SGMS1: variants seen among roughly 807,000 people sequenced by gnomAD.
SGMS1 encodes sphingomyelin synthase 1.
In SGMS1, 13 loss-of-function variants were observed where a neutral mutation model predicts 46.2. The ratio of observed to expected loss-of-function variants is 0.28; its 90% CI spans 0.18 to 0.45. The LOEUF (loss-of-function observed/expected upper bound fraction) is 0.45, where lower values mean the gene tolerates loss of function less well. Among genes scored for constraint, SGMS1 ranks in the 20% least tolerant of loss-of-function variants. The pLI is 1.00. For synonymous variants in SGMS1, 203 were observed against 187.8 expected (o/e 1.08, Z -0.66); for missense variants, 324 against 519.9 (o/e 0.62, Z 3.66).
intron 6 of SGMS1, among the ~76,000 whole-genome samples, chr10:50,355,357 C>T (rs564610605): frequency 1.7e-4 from 26 of 152,248 alleles, no homozygotes; most frequent in Non-Finnish European, 3.1e-4. Flanking sequence ...GCCATCTCGG[C>T]TCACTGCAAC....
intron 2 of SGMS1, among the ~76,000 whole-genome samples, chr10:50,547,660 G>A (rs1838112955): frequency 6.6e-6 from 1 of 152,112 alleles, no homozygotes; most frequent in Non-Finnish European, 1.5e-5. Flanking sequence ...TCCAAAAACT[G>A]AAAAGGAGGG....
intron 1 of SGMS1, among the ~76,000 whole-genome samples, chr10:50,614,566 C>T (rs1838779682): frequency 6.6e-6 from 1 of 152,244 alleles, no homozygotes; most frequent in Non-Finnish European, 1.5e-5. Flanking sequence ...CTGCCCACTG[C>T]CACCTGCCCC....
At chr10:50,408,901 A>G (rs1313118643) in intron 6 of SGMS1, among the ~76,000 whole-genome samples, 3 of 152,120 alleles carry the variant, frequency 2.0e-5, no homozygotes, top group Non-Finnish European at 2.9e-5. Context: ...AAAAAAGATT[A>G]TAACAACCCC....
chr10:50,597,286 C>A (rs542754879), intron 1 of SGMS1, among the ~76,000 whole-genome samples: 1 of 152,188 alleles, frequency 6.6e-6, no homozygotes, highest in Non-Finnish European at 1.5e-5. Flanking sequence ...TACCATTACA[C>A]ACCTATTAGA....
chr10:50,412,086 T>C (rs989729342), intron 6 of SGMS1, among the ~76,000 whole-genome samples: 3 of 152,110 alleles, frequency 2.0e-5, no homozygotes, highest in Non-Finnish European at 4.4e-5. Flanking sequence ...TGGCTGTGAA[T>C]TGTCCCAATG....
At chr10:50,623,602 C>A (rs918865392) in intron 1 of SGMS1, 105 bp downstream of exon 1, 10 of 985,322 alleles carry the variant, frequency 1.0e-5, no homozygotes, top group Non-Finnish European at 1.2e-5. Context: ...CGCCCCAGAG[C>A]AGCCCGCCCG....
intron 6 of SGMS1, among the ~76,000 whole-genome samples, chr10:50,433,031 C>T (rs1849424922): frequency 6.6e-6 from 1 of 152,090 alleles, no homozygotes; most frequent in Non-Finnish European, 1.5e-5. Context: ...AAGATGTAGA[C>T]AAAGAACTCA....
intron 6 of SGMS1, among the ~76,000 whole-genome samples, chr10:50,390,525 C>G (rs1848751801): frequency 6.6e-6 from 1 of 152,126 alleles, no homozygotes; most frequent in Non-Finnish European, 1.5e-5. Context: ...GTAGTCCTAG[C>G]TCTGTGGAAG....
chr10:50,338,099 C>G (rs574227164), intron 7 of SGMS1, among the ~76,000 whole-genome samples: 2 of 152,230 alleles, frequency 1.3e-5, no homozygotes, highest in East Asian at 3.9e-4. Flanking sequence ...CATCATTTTT[C>G]TTCTTTACTT....
At position 50,356,419 on chromosome 10, in the gene SGMS1, C is replaced by T. The variant is rs185031537; in HGVS notation, c.-231-12074G>A. Among the ~76,000 whole-genome samples, 477 of 152,234 alleles carry T rather than the reference C, an allele frequency of 3.1e-3. 2 individuals carry two copies. Among genetic ancestry groups the T allele is most frequent in the African/African-American group, 0.011 (450 of 41,532 alleles). On this transcript the variant is annotated intron_variant, in intron 6 of 10. Transcript: ENST00000361781. ...CAAGTACCCAGGGACACAAACACTGCGGAAGGCGGAAGGCGGCAGGGCCCT... is the reference window on the plus strand; with the variant it reads ...CAAGTACCCAGGGACACAAACACTGTGGAAGGCGGAAGGCGGCAGGGCCCT...
At chr10:50,494,247 A>C (rs976842987) in intron 3 of SGMS1, among the ~76,000 whole-genome samples, 1 of 152,266 alleles carries the variant, frequency 6.6e-6, no homozygotes, top group Non-Finnish European at 1.5e-5. Flanking sequence ...GAACACAGAA[A>C]TACCATTTGA....
intron 1 of SGMS1, among the ~76,000 whole-genome samples, chr10:50,603,578 G>A (rs1227992532): frequency 6.6e-6 from 1 of 152,106 alleles, no homozygotes; most frequent in African/African-American, 2.4e-5. Flanking sequence ...TTGAGATACA[G>A]TATCAAAAAC....
chr10:50,451,031 C>T (rs1837102716), intron 5 of SGMS1, among the ~76,000 whole-genome samples: 1 of 152,020 alleles, frequency 6.6e-6, no homozygotes, highest in Admixed American at 6.5e-5. Flanking sequence ...ATATTTATAA[C>T]ATGAGATGCA....
intron 2 of SGMS1, among the ~76,000 whole-genome samples, chr10:50,527,725 T>TA (rs1837916694): frequency 6.6e-6 from 1 of 152,342 alleles, no homozygotes; most frequent in African/African-American, 2.4e-5. Flanking sequence ...ATGATGTGTT[T>TA]AAGCACTCCG....
At position 50,452,537 on chromosome 10, in the gene SGMS1, T is replaced by C. The variant is rs754710713; in HGVS notation, c.-313+8136A>G. Among the ~76,000 whole-genome samples the C allele has an allele frequency of 4.7e-4, 71 of 152,072 alleles. 4 individuals carry two copies. The highest frequency in any genetic ancestry group is 1.2e-4 in the Non-Finnish European group (8 of 68,016). On this transcript the variant is annotated intron_variant, in intron 5 of 10. Transcript: ENST00000361781. The stretch of plus-strand genomic sequence containing the variant: ...TAATGAAGTATAAAATCTCTGTAAA[T>C]GCGCCAATGAGGTGACAATAAAGTA...
intron 1 of SGMS1, among the ~76,000 whole-genome samples, chr10:50,594,425 C>A (rs959181558): frequency 6.6e-6 from 1 of 152,046 alleles, no homozygotes; most frequent in South Asian, 2.1e-4. Flanking sequence ...TGCAACCCAG[C>A]CAAATTCAAG....
chr10:50,341,348 A>G (rs538730783), intron 7 of SGMS1: 8 of 456,018 alleles, frequency 1.8e-5, no homozygotes, highest in Non-Finnish European at 3.5e-5. Context: ...GGAGAGAGAC[A>G]GGAAACCAGC....
At chr10:50,370,578 TA>T (rs1417003715) in intron 6 of SGMS1, among the ~76,000 whole-genome samples, 2 of 151,498 alleles carry the variant, frequency 1.3e-5, no homozygotes, top group Non-Finnish European at 2.9e-5. Flanking sequence ...CTGTCTCTAC[TA>T]AAAATACAAA....
rs143159555 is a variant in SGMS1, at chr10:50,383,654, T to C, written c.-231-39309A>G. Among the ~76,000 whole-genome samples the C allele has an allele frequency of 2.9e-3, 436 of 152,268 alleles. 3 individuals are homozygous for C. Among genetic ancestry groups the C allele is most frequent in the African/African-American group, 0.01 (417 of 41,570 alleles). On this transcript the variant is annotated intron_variant, in intron 6 of 10. Transcript: ENST00000361781. ...TGGTTAAACAAAAAACTTTGATTTG[T>C]ATACTTTCTCATGTGTTGTTTTAAA...
Sources: allele counts gnomAD v4.1 joint callset (sites outside exome capture counted in the v4.1 genomes callset), GRCh38; gene constraint gnomAD v4.1.1; transcripts MANE v1.5; gene names NCBI Gene and HGNC (gene_info 2026-07-23, HGNC 2026-07-21).